The following SCLT1 variants were observed in gnomAD, a reference collection of about 807,000 sequenced individuals.
SCLT1 encodes sodium channel-associated protein 1.
A neutral mutation model predicts 112.8 loss-of-function variants in SCLT1; 78 were observed. The observed-to-expected ratio is 0.69, with a 90% CI of 0.58 to 0.83. The LOEUF is 0.83. Ranked by LOEUF, SCLT1 falls within the 40% of genes least tolerant of loss-of-function variation. SCLT1 has a pLI of 0.00. For synonymous variants in SCLT1, 257 were observed against 254.7 expected, an observed-to-expected ratio of 1.01 and a Z score of -0.09; for missense variants, 747 against 770.4, an observed-to-expected ratio of 0.97 and a Z score of 0.36.
intron 2 of SCLT1, among the ~76,000 whole-genome samples, chr4:129,046,218 G>C (rs1748164108): frequency 6.6e-6 from 1 of 152,012 alleles, no homozygotes; most frequent in Admixed American, 6.6e-5. Flanking sequence ...GCACAGTTCT[G>C]TGGAAACATC....
chr4:128,952,386 C>T (rs1259519907), intron 14 of SCLT1: 1 of 461,112 alleles, frequency 2.2e-6, no homozygotes, highest in Admixed American at 2.3e-5. Flanking sequence ...TCTTGGCCTA[C>T]TCATTCCTCA....
chr4:128,934,598 T>G (rs1737035233), intron 18 of SCLT1, among the ~76,000 whole-genome samples: 1 of 151,912 alleles, frequency 6.6e-6, no homozygotes, highest in African/African-American at 2.4e-5. Context: ...TTGCTAGGTA[T>G]TTGATGTTTT....
intron 20 of SCLT1, among the ~76,000 whole-genome samples, chr4:128,886,894 G>A (rs72683623): frequency 2.7e-4 from 41 of 152,146 alleles, no homozygotes; most frequent in Non-Finnish European, 4.3e-4. Context: ...GTTGATTTTC[G>A]TAGACGTTTT....
chr4:128,879,000 GA>G (rs1732581277), downstream of SCLT1, among the ~76,000 whole-genome samples: 1 of 149,416 alleles, frequency 6.7e-6, no homozygotes, highest in South Asian at 2.1e-4. Flanking sequence ...AGGGGGGAGG[GA>G]TAGCATCAGG....
At chr4:128,902,982 A>G (rs1344432429) in intron 18 of SCLT1, among the ~76,000 whole-genome samples, 1 of 152,160 alleles carries the variant, frequency 6.6e-6, no homozygotes, top group Non-Finnish European at 1.5e-5. Context: ...CAGGAGTAAT[A>G]ACACACATGG....
At chr4:129,015,284 G>C (rs537833257) in intron 5 of SCLT1, among the ~76,000 whole-genome samples, 3 of 152,108 alleles carry the variant, frequency 2.0e-5, no homozygotes, top group Non-Finnish European at 2.9e-5. Flanking sequence ...GAGGGAGTGT[G>C]CAGGCTAGTG....
chr4:128,953,656 G>A (rs1439859700), intron 13 of SCLT1, among the ~76,000 whole-genome samples: 3 of 151,590 alleles, frequency 2.0e-5, no homozygotes, highest in Non-Finnish European at 2.9e-5. Context: ...AAAATTAGCC[G>A]GGCATGGTGG....
At position 128,970,388 on chromosome 4, in the gene SCLT1, A is replaced by T; in HGVS notation, c.767T>A (p.Met256Lys). 1 of 1,573,364 alleles carries T rather than the reference A, an allele frequency of 6.4e-7. No individual in the cohort carries two copies. Among genetic ancestry groups the T allele is most frequent in the South Asian group, 1.1e-5 (1 of 90,104 alleles). The change falls in exon 10 of 21, where the codon ATG becomes AAG. Residue 256 changes from methionine to lysine, a missense_variant. By Grantham distance (95) the Met-to-Lys change is moderately conservative (BLOSUM62 -1). This residue lies in a region of SCLT1 where 723 missense variants were observed against 721.3 expected (regional missense o/e 1.00). Transcript: ENST00000281142. ...AGAAATAGAAAATACCTTCTTTTTC[A>T]TCTGTCCCTGCAGATCTTCAGTCAC... The part of the protein sequence containing the change: ...TNVTEDLQGQ[M>K]KKKEKDVVSA...
chr4:129,034,134 G>A (rs1026874562), intron 5 of SCLT1, among the ~76,000 whole-genome samples: 1 of 152,052 alleles, frequency 6.6e-6, no homozygotes, highest in East Asian at 1.9e-4. Context: ...TTGAAGGGAG[G>A]AGAATAACAT....
At chr4:129,080,619 T>C (rs1324117703) in intron 2 of SCLT1, among the ~76,000 whole-genome samples, 1 of 152,180 alleles carries the variant, frequency 6.6e-6, no homozygotes, top group African/African-American at 2.4e-5. Context: ...GTCACAACCA[T>C]TCAACAAGTC....
chr4:129,089,968 A>T (rs1432488348), intron 1 of SCLT1, among the ~76,000 whole-genome samples: 1 of 152,198 alleles, frequency 6.6e-6, no homozygotes, highest in Non-Finnish European at 1.5e-5. Context: ...CCTATGTAAC[A>T]AAACTGCACG....
chr4:129,063,941 C>T lies in SCLT1; in HGVS notation c.102+18365G>A, dbSNP rs551675682. ...AGGTTGAGGGAATCTCTCTTGGAACCGAGCTGTGCCATCTTGGGGCAGGAG... is the reference window on the plus strand; with the variant it reads ...AGGTTGAGGGAATCTCTCTTGGAACTGAGCTGTGCCATCTTGGGGCAGGAG... On this transcript the variant is annotated intron_variant, in intron 2 of 20. Coordinates refer to ENST00000281142, the MANE Select transcript of SCLT1 (RefSeq NM_144643.4). Among the ~76,000 whole-genome samples the T allele has an allele frequency of 7.9e-5, 12 of 152,218 alleles. No homozygotes were observed. In the South Asian group the frequency reaches 1.2e-3, roughly 16 times the overall value.
intron 2 of SCLT1, among the ~76,000 whole-genome samples, chr4:129,052,761 C>A (rs1188908727): frequency 1.3e-5 from 2 of 152,072 alleles, no homozygotes; most frequent in Non-Finnish European, 2.9e-5. Context: ...TATTTCTTGT[C>A]TTCTGCTAGC....
Position 128,976,458 on chromosome 4 carries a change from C to G in SCLT1, c.687-5990G>C, listed in dbSNP as rs992354786. Among the ~76,000 whole-genome samples the G allele has an allele frequency of 3.9e-5, 6 of 152,162 alleles. No homozygotes were observed. The South Asian group carries it at 8.3e-4, about 21-fold the overall frequency. ...CTATTATTGATCAGACTATTCAAAT[C>G]TCTTATGCAACAGACATGCTTAAAA... On this transcript the variant is annotated intron_variant, in intron 9 of 20. Transcript: ENST00000281142.
chr4:128,923,044 T>C (rs1299781317), intron 18 of SCLT1, among the ~76,000 whole-genome samples: 1 of 152,162 alleles, frequency 6.6e-6, no homozygotes, highest in East Asian at 1.9e-4. Context: ...GGTTTTAAAA[T>C]CAACCTCATT....
At chr4:128,933,387 A>G (rs551478185) in intron 18 of SCLT1, among the ~76,000 whole-genome samples, 5 of 152,044 alleles carry the variant, frequency 3.3e-5, no homozygotes, top group Admixed American at 6.6e-5. Context: ...TATGTTTGAT[A>G]TGTTTCAATT....
intron 18 of SCLT1, among the ~76,000 whole-genome samples, chr4:128,922,800 TAACA>T (rs892882590): frequency 9.2e-5 from 14 of 152,080 alleles, no homozygotes; most frequent in African/African-American, 3.4e-4. Context: ...AAATAATAGT[TAACA>T]AACCAACCAA....
At chr4:128,921,028 C>T (rs1055993183) in intron 18 of SCLT1, among the ~76,000 whole-genome samples, 10 of 151,894 alleles carry the variant, frequency 6.6e-5, no homozygotes, top group African/African-American at 2.2e-4. Flanking sequence ...AAGCAGAGAC[C>T]CAAATCAAGA....
At chr4:129,085,959 A>G (rs536085160) in intron 1 of SCLT1, among the ~76,000 whole-genome samples, 2 of 152,264 alleles carry the variant, frequency 1.3e-5, no homozygotes, top group Admixed American at 1.3e-4. Context: ...TGCCCATGAC[A>G]CAAGTTTACC....
Sources: gnomAD v4.1 joint callset for allele counts (sites outside exome capture counted in the v4.1 genomes callset) on GRCh38, gnomAD v4.1.1 for gene constraint, gnomAD v4.1.1 regional missense constraint, MANE v1.5 for transcripts, NCBI Gene and HGNC (gene_info 2026-07-23, HGNC 2026-07-21) for gene names.